The following ANKRD62 variants were observed in gnomAD, a reference collection of about 807,000 sequenced individuals.
The protein encoded by ANKRD62 is ankyrin repeat domain-containing protein 62.
Under a neutral mutation model 98.8 loss-of-function variants are expected in ANKRD62, and 61 were observed. The ratio of observed to expected loss-of-function variants is 0.62; its 90% CI spans 0.50 to 0.76. ANKRD62 has a LOEUF of 0.76. Ranked by LOEUF, ANKRD62 falls within the 30% of genes least tolerant of loss-of-function variation. The pLI is 0.00. For missense variants in ANKRD62, 933 were observed against 1,082.9 expected, an observed-to-expected ratio of 0.86 and a Z score of 1.94; for synonymous variants, 341 against 367.9, an observed-to-expected ratio of 0.93 and a Z score of 0.84.
chr18:12,177,294 G>A, the ANKRD62 span, among the ~76,000 whole-genome samples: 4 of 152,290 alleles, frequency 2.6e-5, no homozygotes, highest in East Asian at 1.9e-4. Context: ...AGCCACAGGA[G>A]GAGACACCAG....
chr18:12,101,967 C>T, intron 6 of ANKRD62: 1 of 987,834 alleles, frequency 1.0e-6, no homozygotes, highest in Non-Finnish European at 1.6e-6. Flanking sequence ...TACATCAGTT[C>T]TTCAAAGTAT....
At chr18:12,163,278 A>G in the ANKRD62 span, among the ~76,000 whole-genome samples, 1 of 151,934 alleles carries the variant, frequency 6.6e-6, no homozygotes, top group African/African-American at 2.4e-5. Flanking sequence ...AAATGAGATT[A>G]CCTTTTTGGT....
At chr18:12,157,556 G>C in the ANKRD62 span, among the ~76,000 whole-genome samples, 7 of 151,994 alleles carry the variant, frequency 4.6e-5, no homozygotes, top group Admixed American at 2.0e-4. Context: ...AATGTTTTCT[G>C]TTCATGAATT....
At chr18:12,098,484 G>A (rs1246530911) in intron 5 of ANKRD62, 2 of 152,172 alleles carry the variant, frequency 1.3e-5, no homozygotes, top group Admixed American at 6.5e-5. Flanking sequence ...AATTAGCATG[G>A]CCCCTGCATA....
chr18:12,169,047 G>A, the ANKRD62 span, among the ~76,000 whole-genome samples: 1 of 152,142 alleles, frequency 6.6e-6, no homozygotes, highest in African/African-American at 2.4e-5. Context: ...AGACGACGAG[G>A]TTTTCTAAGT....
At chr18:12,156,700 G>A in the ANKRD62 span, among the ~76,000 whole-genome samples, 1 of 151,716 alleles carries the variant, frequency 6.6e-6, no homozygotes, top group East Asian at 1.9e-4. Context: ...ACCATTTTAG[G>A]GCATTTTTAG....
At chr18:12,100,893 C>T (rs1909286852) in intron 6 of ANKRD62, among the ~76,000 whole-genome samples, 1 of 152,132 alleles carries the variant, frequency 6.6e-6, no homozygotes, top group Non-Finnish European at 1.5e-5. Context: ...ATTCGAATAG[C>T]CCAACTCTAG....
chr18:12,157,890 A>G, the ANKRD62 span, among the ~76,000 whole-genome samples: 1 of 152,232 alleles, frequency 6.6e-6, no homozygotes, highest in Non-Finnish European at 1.5e-5. Context: ...TCAACAGACC[A>G]GCTTCCCTGT....
Position 12,115,497 on chromosome 18 carries a change from T to G in ANKRD62, c.1203T>G (p.Phe401Leu). 1 of 1,537,742 alleles carries G rather than the reference T, an allele frequency of 6.5e-7. No homozygotes were observed. The highest frequency in any genetic ancestry group is 8.7e-7 in the Non-Finnish European group (1 of 1,146,520). ...TGCCTTACTCTGATGATGAGAATTT[T>G]ATGTTACTCATTGAACAAAGTGGAA... is the stretch of plus-strand genomic sequence containing the variant. ...DELPYSDDEN[F>L]MLLIEQSGME... Residue 401 changes from phenylalanine (F) to leucine (L), a missense_variant, in exon 10 of 14, where the codon TTT (phenylalanine) becomes TTG (leucine). Physicochemically the swap from Phe to Leu is conservative, Grantham distance 22. Coordinates refer to ENST00000587848, the MANE Select transcript of ANKRD62 (RefSeq NM_001277333.2).
At chr18:12,170,958 CTTTT>C in the ANKRD62 span, among the ~76,000 whole-genome samples, 5 of 137,030 alleles carry the variant, frequency 3.6e-5, no homozygotes, top group Non-Finnish European at 4.7e-5. Flanking sequence ...GCAACCCCTG[CTTTT>C]TTTTTTTTTT....
At chr18:12,156,248 C>T in the ANKRD62 span, among the ~76,000 whole-genome samples, 1 of 152,150 alleles carries the variant, frequency 6.6e-6, no homozygotes, top group Non-Finnish European at 1.5e-5. Flanking sequence ...AAACCAAATA[C>T]ATTTCTTTTC....
At chr18:12,106,967 A>G (rs1349774311) in intron 7 of ANKRD62, among the ~76,000 whole-genome samples, 1 of 152,100 alleles carries the variant, frequency 6.6e-6, no homozygotes, top group Non-Finnish European at 1.5e-5. Context: ...TCGTCTTTTT[A>G]TTTCTCTATT....
intron 7 of ANKRD62, among the ~76,000 whole-genome samples, chr18:12,103,593 C>A (rs1018102078): frequency 6.6e-6 from 1 of 151,950 alleles, no homozygotes; most frequent in Non-Finnish European, 1.5e-5. Flanking sequence ...GTAATCATTG[C>A]CAATGGTCCA....
At chr18:12,153,744 G>A in the ANKRD62 span, among the ~76,000 whole-genome samples, 1 of 152,258 alleles carries the variant, frequency 6.6e-6, no homozygotes, top group East Asian at 1.9e-4. Context: ...CAGGGCTACA[G>A]TAATCAAAAC....
the ANKRD62 span, among the ~76,000 whole-genome samples, chr18:12,145,809 C>G: frequency 6.6e-6 from 1 of 151,984 alleles, no homozygotes; most frequent in South Asian, 2.1e-4. Context: ...CACAGCAGAG[C>G]TGTTCTACAA....
chr18:12,168,420 G>T, the ANKRD62 span, among the ~76,000 whole-genome samples: 1 of 152,076 alleles, frequency 6.6e-6, no homozygotes, highest in Admixed American at 6.6e-5. Context: ...GTTTTTGTCA[G>T]GTTTGTCAAA....
In ANKRD62 at chr18:12,095,275, C is replaced by G; in HGVS notation, c.323C>G (p.Ala108Gly). The part of the protein sequence containing the change: ...LNLTDSENRT[A>G]LIKAVQCQEE... ...CTCACTGACAGTGAAAACAGGACAG[C>G]TCTGATCAAGGTATATGGTAGCCAA... Residue 108 changes from alanine to glycine, a missense_variant, in exon 2 of 14, where the codon GCT (alanine) becomes GGT (glycine). Ala to Gly is a moderately conservative substitution (Grantham distance 60). Around this residue, in one of 3 missense-constraint regions of ANKRD62, gnomAD observed 549 missense variants for 587.9 expected, o/e 0.93. Transcript: ENST00000587848. 6.5e-7 allele frequency: 1 copy of G among 1,540,146 alleles called. No individual in the cohort carries two copies. Among genetic ancestry groups the G allele is most frequent in the Non-Finnish European group, 8.7e-7 (1 of 1,146,770 alleles).
the ANKRD62 span, among the ~76,000 whole-genome samples, chr18:12,136,656 T>C: frequency 6.6e-6 from 1 of 152,248 alleles, no homozygotes; most frequent in African/African-American, 2.4e-5. Flanking sequence ...TTTCACCATA[T>C]TGATTCTTCG....
chr18:12,158,814 G>A, the ANKRD62 span, among the ~76,000 whole-genome samples: 2 of 151,964 alleles, frequency 1.3e-5, no homozygotes, highest in African/African-American at 2.4e-5. Flanking sequence ...GATTACAGGC[G>A]TGAGCCACCG....
Sources: allele counts gnomAD v4.1 joint callset (sites outside exome capture counted in the v4.1 genomes callset), GRCh38; gene constraint gnomAD v4.1.1; regional missense constraint gnomAD v4.1.1; transcripts MANE v1.5; gene names NCBI Gene and HGNC (gene_info 2026-07-23, HGNC 2026-07-21).